The following HSD11B1L variants were observed in gnomAD, a reference collection of about 807,000 sequenced individuals.
HSD11B1L encodes hydroxysteroid 11-beta dehydrogenase 1 like.
Under a neutral mutation model 27.0 loss-of-function variants are expected in HSD11B1L, and 22 were observed. That is an observed-to-expected ratio of 0.81 (90% CI 0.58 to 1.16). HSD11B1L has a LOEUF of 1.16. Ranked by LOEUF, HSD11B1L falls within the 50% of genes most tolerant of loss-of-function variation. The pLI, the probability that HSD11B1L is intolerant of heterozygous loss-of-function variation, is 0.00. For synonymous variants in HSD11B1L, 187 were observed against 189.2 expected (o/e 0.99, Z 0.09); for missense variants, 372 against 401.8 (o/e 0.93, Z 0.63).
At chr19:5,682,803 C>T (rs1428176526) in intron 1 of HSD11B1L, among the ~76,000 whole-genome samples, 1 of 150,024 alleles carries the variant, frequency 6.7e-6, no homozygotes, top group Non-Finnish European at 1.5e-5. Context: ...TCCCCTTGTC[C>T]CATTGACTTT....
Position 5,685,375 on chromosome 19 carries a change from A to G in HSD11B1L, c.204+256A>G, listed in dbSNP as rs566140077. On this transcript the variant is annotated intron_variant, in intron 3 of 7. Coordinates refer to ENST00000339423, the MANE Select transcript of HSD11B1L (RefSeq NM_198706.3). The surrounding 1 kb of genome is among the most constrained non-coding windows in gnomAD (Gnocchi z 4.3). Reference sequence around the variant, plus strand: ...TGGATCACCTGAGGTCAGGAGTTCAAGACCAGCCTGGCCAACATGGCGAAA... The same window carrying G: ...TGGATCACCTGAGGTCAGGAGTTCAGGACCAGCCTGGCCAACATGGCGAAA... 438 of 616,436 alleles carry G rather than the reference A, an allele frequency of 7.1e-4. 9 individuals carry two copies. Among genetic ancestry groups the G allele is most frequent in the South Asian group, 6.5e-3 (427 of 65,700 alleles). 38.2% of individuals were successfully genotyped at this position (616,436 alleles called of 1,614,324 possible).
rs2054708414 is a variant in HSD11B1L at position 5,686,903 on chromosome 19, G to A, written c.320G>A (p.Gly107Glu). 2.6e-6 allele frequency: 4 copies of A among 1,547,674 alleles called. No individual in the cohort carries two copies. The highest frequency in any genetic ancestry group is 3.5e-6 in the Non-Finnish European group (4 of 1,146,262). ...CTGACCGGCGTTTCTGGGCCAGGCG[G>A]GCTGGACTACCTCGTGCTGAACCAC... ...VVQFALDKLG[G>E]LDYLVLNHIG... Residue 107 changes from glycine (G) to glutamate (E), a missense_variant, in exon 5 of 8, where the codon GGG (glycine) becomes GAG (glutamate). Transcript: ENST00000339423.
Position 5,685,756 on chromosome 19 carries a change from AAT to A in HSD11B1L, c.204+638_204+639del, listed in dbSNP as rs1453657317. Among the ~76,000 whole-genome samples, 1 of 149,958 alleles carries A rather than the reference AAT, an allele frequency of 6.7e-6. No individual in the cohort carries two copies. Among genetic ancestry groups the A allele is most frequent in the Non-Finnish European group, 1.5e-5 (1 of 67,194 alleles). On this transcript the variant is annotated intron_variant, in intron 3 of 7. Transcript: ENST00000339423. The surrounding 1 kb of genome is among the most constrained non-coding windows in gnomAD (Gnocchi z 4.3). ...CCATCTCAAAAAAAAGAAAAAAAAAAATTAGGGCATGGTGGCGCGAGCATGTA... is the reference window on the plus strand; with the variant it reads ...CCATCTCAAAAAAAAGAAAAAAAAAATAGGGCATGGTGGCGCGAGCATGTA...
Position 5,687,559 on chromosome 19 carries a change from G to T in HSD11B1L, c.559G>T (p.Gly187Cys). Residue 187 changes from glycine to cysteine, a missense_variant, in exon 7 of 8, where the codon GGC becomes TGC. Gly to Cys is a radical substitution (Grantham distance 159). Coordinates refer to ENST00000339423, the MANE Select transcript of HSD11B1L (RefSeq NM_198706.3). The surrounding 1 kb of genome is among the most constrained non-coding windows in gnomAD (Gnocchi z 6.6). ...PYSAAKFALD[G>C]FFGSLRRELD... Reference sequence around the variant, plus strand: ...CTCGGCGGCCAAGTTTGCGCTGGACGGCTTCTTCGGCTCCCTGCGGCGGGA... The same window carrying T: ...CTCGGCGGCCAAGTTTGCGCTGGACTGCTTCTTCGGCTCCCTGCGGCGGGA... The T allele has an allele frequency of 6.3e-7, 1 of 1,599,960 alleles. No individual in the cohort carries two copies. Among genetic ancestry groups the T allele is most frequent in the East Asian group, 2.2e-5 (1 of 44,850 alleles).
At chr19:5,682,231 T>A (rs903955441) in intron 1 of HSD11B1L, among the ~76,000 whole-genome samples, 8 of 152,110 alleles carry the variant, frequency 5.3e-5, no homozygotes, top group African/African-American at 1.9e-4. Flanking sequence ...GCCATGGCCA[T>A]GTTGCTTTTG....
chr19:5,684,173 G>A (rs919623579), intron 1 of HSD11B1L: 18 of 389,152 alleles, frequency 4.6e-5, no homozygotes, highest in South Asian at 2.4e-4. Context: ...CTGCCACCGC[G>A]CCCGGCTAAT....
At chr19:5,682,810 CTTTTTTTTT>C (rs5826895) in intron 1 of HSD11B1L, among the ~76,000 whole-genome samples, 1 of 95,380 alleles carries the variant, frequency 1.0e-5, no homozygotes, top group Non-Finnish European at 2.1e-5. Context: ...GTCCCATTGA[CTTTTTTTTT>C]TTTTTTTTTT....
At position 5,687,698 on chromosome 19, in the gene HSD11B1L, TG is replaced by T. The variant is rs201642527; in HGVS notation, c.668+35del. On this transcript the variant is annotated intron_variant, in intron 7 of 7. Coordinates refer to ENST00000339423, the MANE Select transcript of HSD11B1L (RefSeq NM_198706.3). The surrounding 1 kb of genome is among the most constrained non-coding windows in gnomAD (Gnocchi z 6.6). ...GGCCCGGACAAGCTGGGGGCTGGGCTGGGGGCCATGGCCCAGCCCCAGCCGC... is the reference window on the plus strand; with the variant it reads ...GGCCCGGACAAGCTGGGGGCTGGGCTGGGGCCATGGCCCAGCCCCAGCCGC... 4,873 of 1,538,526 alleles carry T rather than the reference TG, an allele frequency of 3.2e-3. 126 individuals carry two copies. The African/African-American group carries it at 0.058, about 18-fold the overall frequency.
In HSD11B1L at chr19:5,687,663, A is replaced by T. The variant is rs370561561; in HGVS notation, c.663A>T (p.Ala221=). 63 of 1,581,868 alleles carry T rather than the reference A, an allele frequency of 4.0e-5. No individual in the cohort carries two copies. Among genetic ancestry groups the T allele is most frequent in the Non-Finnish European group, 5.3e-5 (62 of 1,169,756 alleles). Residue 221 remains alanine (A), a synonymous_variant, in exon 7 of 8, where the codon GCA becomes GCT. Coordinates refer to ENST00000339423, the MANE Select transcript of HSD11B1L (RefSeq NM_198706.3). The surrounding 1 kb of genome is among the most constrained non-coding windows in gnomAD (Gnocchi z 6.6). ...GLRDRASAAE[A]VRGVTRVKAA... Reference sequence around the variant, plus strand: ...GAGATCGCGCCTCCGCCGCCGAGGCAGTCAGGTGAGGCCCGGACAAGCTGG... The same window carrying T: ...GAGATCGCGCCTCCGCCGCCGAGGCTGTCAGGTGAGGCCCGGACAAGCTGG...
chr19:5,687,705 C>T lies in HSD11B1L; in HGVS notation c.668+37C>T. The stretch of plus-strand genomic sequence containing the variant: ...ACAAGCTGGGGGCTGGGCTGGGGGC[C>T]ATGGCCCAGCCCCAGCCGCAGTCCC... On this transcript the variant is annotated intron_variant, in intron 7 of 7. Transcript: ENST00000339423. The surrounding 1 kb of genome is among the most constrained non-coding windows in gnomAD (Gnocchi z 6.6). 6.5e-7 allele frequency: 1 copy of T among 1,529,606 alleles called. No homozygotes were observed. Among genetic ancestry groups the T allele is most frequent in the Non-Finnish European group, 8.7e-7 (1 of 1,142,960 alleles). 94.8% of individuals were successfully genotyped at this position (1,529,606 alleles called of 1,614,324 possible). A position where few individuals can be genotyped will look rare whatever the true frequency, so the allele number is the denominator to read the frequency against.
In HSD11B1L at chr19:5,685,028, A is replaced by T; in HGVS notation, c.113A>T (p.Asn38Ile). 8 of 1,580,136 alleles carry T rather than the reference A, an allele frequency of 5.1e-6. No homozygotes were observed. Among genetic ancestry groups the T allele is most frequent in the Non-Finnish European group, 4.3e-6 (5 of 1,162,838 alleles). ...QGARVLLTGA[N>I]AGVGEELAYH... The stretch of plus-strand genomic sequence containing the variant: ...GCGCGAGTGCTGCTGACAGGGGCCA[A>T]CGCTGGTGTTGGTGAGGAGCTGGCC... The change falls in exon 3 of 8, where the codon AAC (asparagine) becomes ATC (isoleucine). Residue 38 changes from asparagine to isoleucine, a missense_variant. By Grantham distance (149) the Asn-to-Ile change is moderately radical (BLOSUM62 -3). Transcript: ENST00000339423. The surrounding 1 kb of genome is among the most constrained non-coding windows in gnomAD (Gnocchi z 4.3).
chr19:5,688,184 G>A lies in HSD11B1L; in HGVS notation c.*239G>A. ...GGGACTTGCAAGGCCTCACCTGTTTGGCCATGATTGATGACGTGACTGCTT... is the reference window on the plus strand; with the variant it reads ...GGGACTTGCAAGGCCTCACCTGTTTAGCCATGATTGATGACGTGACTGCTT... On this transcript the variant is annotated 3_prime_UTR_variant, in exon 8 of 8. Transcript: ENST00000339423. 1 of 1,548,616 alleles carries A rather than the reference G, an allele frequency of 6.5e-7. No individual in the cohort carries two copies. The highest frequency in any genetic ancestry group is 8.7e-7 in the Non-Finnish European group (1 of 1,146,338).
At chr19:5,684,734 C>T (rs757199016) in intron 1 of HSD11B1L, 85 bp from the exon 2 acceptor site, 37 of 1,594,378 alleles carry the variant, frequency 2.3e-5, no homozygotes, top group African/African-American at 5.4e-5. Flanking sequence ...GGATCCAAGG[C>T]GGTGGCATCA....
At chr19:5,683,801 A>G (rs1167323736) in intron 1 of HSD11B1L, among the ~76,000 whole-genome samples, 1 of 152,100 alleles carries the variant, frequency 6.6e-6, no homozygotes, top group African/African-American at 2.4e-5. Context: ...GGCTGAGGCA[A>G]GAGGATTGCT....
chr19:5,684,993 C>A lies in HSD11B1L; in HGVS notation c.78C>A (p.Ser26Arg). ...YYWDDNFDPA[S>R]LQGARVLLTG... The stretch of plus-strand genomic sequence containing the variant: ...GACCACCCCGGCTATGGCCAGCCAG[C>A]CTCCAGGGAGCGCGAGTGCTGCTGA... Residue 26 changes from serine (S) to arginine (R), a missense_variant, in exon 3 of 8, where the codon AGC becomes AGA. Physicochemically the swap from Ser to Arg is moderately radical, Grantham distance 110 (BLOSUM62 -1). Coordinates refer to ENST00000339423, the MANE Select transcript of HSD11B1L (RefSeq NM_198706.3). 1 of 1,607,860 alleles carries A rather than the reference C, an allele frequency of 6.2e-7. No individual in the cohort carries two copies. Among genetic ancestry groups the A allele is most frequent in the South Asian group, 1.1e-5 (1 of 90,514 alleles).
intron 3 of HSD11B1L, among the ~76,000 whole-genome samples, chr19:5,686,012 T>C (rs988352485): frequency 1.3e-5 from 2 of 151,918 alleles, no homozygotes; most frequent in African/African-American, 2.4e-5. Context: ...GAGTATTGAG[T>C]GTCCAGGCCT....
chr19:5,681,714 A>G (rs987063092), intron 1 of HSD11B1L, among the ~76,000 whole-genome samples: 4 of 149,722 alleles, frequency 2.7e-5, no homozygotes, highest in Non-Finnish European at 4.4e-5. Context: ...CCATTTATCC[A>G]TTCATACATC....
chr19:5,682,053 TGAG>T (rs2054567542), intron 1 of HSD11B1L, among the ~76,000 whole-genome samples: 1 of 152,006 alleles, frequency 6.6e-6, no homozygotes, highest in South Asian at 2.1e-4. Flanking sequence ...CTGGGAAAGG[TGAG>T]GAGTTCATTA....
At position 5,687,831 on chromosome 19, in the gene HSD11B1L, C is replaced by G. The variant is rs757826749; in HGVS notation, c.747C>G (p.Ala249=). ...TCCGCGGCGGCGCCACGCGCGCGGC[C>G]GGCGTCTTCTACCCGTGGCGTTTCC... ...AVIRGGATRA[A]GVFYPWRFRL... The change falls in exon 8 of 8, where the codon GCC becomes GCG. Residue 249 remains alanine, a synonymous_variant. Transcript: ENST00000339423. This position sits in a 1 kb window ranked among gnomAD's most constrained non-coding sequence, Gnocchi z 6.6. 227 of 1,556,994 alleles carry G rather than the reference C, an allele frequency of 1.5e-4. No homozygotes were observed. The highest frequency in any genetic ancestry group is 1.9e-4 in the Non-Finnish European group (219 of 1,153,168).
Sources: allele counts gnomAD v4.1 joint callset (sites outside exome capture counted in the v4.1 genomes callset), GRCh38; gene constraint gnomAD v4.1.1; non-coding constraint Gnocchi (gnomAD v3.1); transcripts MANE v1.5; gene names NCBI Gene and HGNC (gene_info 2026-07-23, HGNC 2026-07-21).